CD247: variants seen among roughly 807,000 people sequenced by gnomAD.
CD247 encodes CD247 molecule.
A neutral mutation model predicts 30.0 loss-of-function variants in CD247; 13 were observed. The observed-to-expected ratio is 0.43, with a 90% CI of 0.28 to 0.69. CD247 has a LOEUF of 0.69. CD247 is among the 30% of genes least tolerant of loss of function. CD247 has a pLI of 0.16. For missense variants in CD247, 193 were observed against 212.6 expected, an observed-to-expected ratio of 0.91 and a Z score of 0.57; for synonymous variants, 72 against 80.0, an observed-to-expected ratio of 0.90 and a Z score of 0.53.
intron 1 of CD247, among the ~76,000 whole-genome samples, chr1:167,463,451 T>G (rs536729661): frequency 3.9e-5 from 6 of 152,328 alleles, no homozygotes. Flanking sequence ...ATTTCTTTTT[T>G]TAAAAGGAGA....
chr1:167,470,443 G>A (rs752669257), intron 1 of CD247, among the ~76,000 whole-genome samples: 10 of 149,838 alleles, frequency 6.7e-5, no homozygotes, highest in Non-Finnish European at 1.5e-4. Context: ...CAAAACTGGG[G>A]GAAATATTTT....
In CD247 at chr1:167,510,716, CAAG is replaced by C. The variant is rs536656400; in HGVS notation, c.58+7689_58+7691del. Reference sequence around the variant, plus strand: ...TGCATGGTGGGGAATTAGCAAAATACAAGAAGACACAGTAGACTCTAGTATCTA... The same window carrying C: ...TGCATGGTGGGGAATTAGCAAAATACAAGACACAGTAGACTCTAGTATCTA... On this transcript the variant is annotated intron_variant, in intron 1 of 7. Transcript: ENST00000362089. Among the ~76,000 whole-genome samples the C allele has an allele frequency of 3.0e-3, 457 of 152,266 alleles. 6 individuals carry two copies. Among genetic ancestry groups the C allele is most frequent in the African/African-American group, 0.01 (427 of 41,554 alleles).
intron 1 of CD247, among the ~76,000 whole-genome samples, chr1:167,476,450 TCA>T (rs1653750868): frequency 6.6e-6 from 1 of 152,204 alleles, no homozygotes; most frequent in African/African-American, 2.4e-5. Context: ...GATTCTTAAT[TCA>T]CAGGATTTTT....
chr1:167,494,518 A>G lies in CD247; in HGVS notation c.58+23890T>C, dbSNP rs561984128. Among the ~76,000 whole-genome samples, 13 of 152,188 alleles carry G rather than the reference A, an allele frequency of 8.5e-5. No homozygotes were observed. The highest frequency in any genetic ancestry group is 6.5e-4 in the Admixed American group (10 of 15,288). On this transcript the variant is annotated intron_variant, in intron 1 of 7. Transcript: ENST00000362089. The surrounding 1 kb of genome is among the most constrained non-coding windows in gnomAD (Gnocchi z 7.3). ...TGGGGATAATGTCCTCACCCTGTCG[A>G]CCTCATGGGGCTGCTGTGAGGGTCA... is the stretch of plus-strand genomic sequence containing the variant.
chr1:167,505,183 T>G (rs1383223296), intron 1 of CD247, among the ~76,000 whole-genome samples: 1 of 152,168 alleles, frequency 6.6e-6, no homozygotes, highest in African/African-American at 2.4e-5. Flanking sequence ...CAGCCTAGAC[T>G]GCAGTGGTAC....
chr1:167,490,305 C>G (rs985758646), intron 1 of CD247, among the ~76,000 whole-genome samples: 2 of 152,170 alleles, frequency 1.3e-5, no homozygotes, highest in African/African-American at 4.8e-5. Context: ...TCTATCTTCC[C>G]CTCTCTATCT....
At chr1:167,439,226 T>G (rs1439729084) in intron 3 of CD247, 118 bp downstream of exon 3, 29 of 874,358 alleles carry the variant, frequency 3.3e-5, no homozygotes, top group South Asian at 8.0e-5. Context: ...TGCAGCCGGG[T>G]CGCAGAGGTG....
rs1413050427 is a variant in CD247, at chr1:167,447,527, C to G, written c.59-6760G>C. On this transcript the variant is annotated intron_variant, in intron 1 of 7. Transcript: ENST00000362089. Reference sequence around the variant, plus strand: ...ACAAATCACACAGATCCTCCAATTTCTATAGGGCAGCCTTTCAAACCTCAC... The same window carrying G: ...ACAAATCACACAGATCCTCCAATTTGTATAGGGCAGCCTTTCAAACCTCAC... Among the ~76,000 whole-genome samples the G allele has an allele frequency of 2.6e-5, 4 of 152,266 alleles. No individual in the cohort carries two copies. The East Asian group carries it at 7.7e-4, about 29-fold the overall frequency.
chr1:167,512,791 G>C (rs912847651), intron 1 of CD247, among the ~76,000 whole-genome samples: 1 of 152,202 alleles, frequency 6.6e-6, no homozygotes, highest in Non-Finnish European at 1.5e-5. Context: ...CACAGAGGAA[G>C]AACAGGGCTC....
At chr1:167,492,245 C>T (rs1426892000) in intron 1 of CD247, among the ~76,000 whole-genome samples, 1 of 152,134 alleles carries the variant, frequency 6.6e-6, no homozygotes, top group Non-Finnish European at 1.5e-5. Flanking sequence ...AGTATTGGAG[C>T]GTGCTCACAG....
chr1:167,436,470 G>C lies in CD247; in HGVS notation c.301-1036C>G, dbSNP rs560508127. Among the ~76,000 whole-genome samples, 3 of 152,262 alleles carry C rather than the reference G, an allele frequency of 2.0e-5. 1 individual carries two copies. In the South Asian group the frequency reaches 6.2e-4, roughly 32 times the overall value. On this transcript the variant is annotated intron_variant, in intron 4 of 7. Coordinates refer to ENST00000362089, the MANE Select transcript of CD247 (RefSeq NM_198053.3). The stretch of plus-strand genomic sequence containing the variant: ...CAATATAGTAACATAGGTCCCAGCC[G>C]AGCAATTAGCAAAAGGTGCCAAGAA...
At chr1:167,503,167 G>A (rs1654981003) in intron 1 of CD247, among the ~76,000 whole-genome samples, 1 of 152,226 alleles carries the variant, frequency 6.6e-6, no homozygotes. Context: ...GTGGCAGCTT[G>A]CGTCTGCTCC....
At chr1:167,508,230 C>T (rs539987780) in intron 1 of CD247, among the ~76,000 whole-genome samples, 34 of 152,168 alleles carry the variant, frequency 2.2e-4, no homozygotes, top group Non-Finnish European at 4.3e-4. Flanking sequence ...CCCACCACTC[C>T]CACCCCAAAG....
At chr1:167,433,206 C>G in intron 6 of CD247, 147 bp from the exon 7 acceptor site, 5 of 786,344 alleles carry the variant, frequency 6.4e-6, no homozygotes, top group Non-Finnish European at 1.1e-5. Context: ...AGAGAAGGAT[C>G]CTCAGGCCCC....
chr1:167,440,508 C>T, intron 2 of CD247, 156 bp downstream of exon 2: 3 of 678,948 alleles, frequency 4.4e-6, no homozygotes, highest in Non-Finnish European at 8.0e-6. Flanking sequence ...CCTCCTCAGC[C>T]CACTCAAGGC....
At chr1:167,477,716 A>G (rs1653809709) in intron 1 of CD247, among the ~76,000 whole-genome samples, 1 of 152,108 alleles carries the variant, frequency 6.6e-6, no homozygotes, top group Non-Finnish European at 1.5e-5. Context: ...TTTTGTGTAT[A>G]TGGAGTTTTA....
intron 1 of CD247, among the ~76,000 whole-genome samples, chr1:167,450,739 C>A (rs985730961): frequency 6.6e-6 from 1 of 151,624 alleles, no homozygotes; most frequent in African/African-American, 2.4e-5. Flanking sequence ...ATGGTAAAAC[C>A]CCATCTCTAC....
intron 1 of CD247, among the ~76,000 whole-genome samples, chr1:167,446,281 G>A (rs539752051): frequency 1.5e-3 from 222 of 152,272 alleles, no homozygotes; most frequent in Non-Finnish European, 1.6e-3. Context: ...GGCAAGCACA[G>A]ATGGTGCCTT....
intron 1 of CD247, among the ~76,000 whole-genome samples, chr1:167,486,065 C>A (rs1277451065): frequency 6.6e-6 from 1 of 152,230 alleles, no homozygotes; most frequent in African/African-American, 2.4e-5. Flanking sequence ...CACCACCATG[C>A]TCCGAGGGGC....
Sources: gnomAD v4.1 joint callset for allele counts (sites outside exome capture counted in the v4.1 genomes callset) on GRCh38, gnomAD v4.1.1 for gene constraint, Gnocchi (gnomAD v3.1) non-coding constraint, MANE v1.5 for transcripts, NCBI Gene and HGNC (gene_info 2026-07-23, HGNC 2026-07-21) for gene names.